Variants in NTN1 observed in about 807,000 individuals in gnomAD.
NTN1 encodes netrin 1, also known as netrin-1.
In NTN1, 11 loss-of-function variants were observed where a neutral mutation model predicts 54.2. The ratio of observed to expected loss-of-function variants is 0.20; its 90% confidence interval spans 0.13 to 0.34. NTN1 has a LOEUF of 0.34. Among genes scored for constraint, NTN1 ranks in the 10% least tolerant of loss-of-function variants. The pLI is 1.00. For synonymous variants in NTN1, 371 were observed against 382.0 expected, an observed-to-expected ratio of 0.97 and a Z score of 0.33; for missense variants, 740 against 893.1, an observed-to-expected ratio of 0.83 and a Z score of 2.18.
intron 5 of NTN1, among the ~76,000 whole-genome samples, chr17:9,186,801 C>G (rs980271029): frequency 6.6e-6 from 1 of 152,236 alleles, no homozygotes; most frequent in African/African-American, 2.4e-5. Flanking sequence ...TTATGTAGAC[C>G]TGCAGCCTGG....
intron 2 of NTN1, among the ~76,000 whole-genome samples, chr17:9,132,738 G>A (rs1222679331): frequency 6.6e-6 from 1 of 152,150 alleles, no homozygotes; most frequent in African/African-American, 2.4e-5. Context: ...GCCAGGTGCA[G>A]TGACACATGC....
In NTN1 at chr17:9,022,385, A is replaced by T. The variant is rs981622836; in HGVS notation, c.12A>T (p.Ala4=). 37 of 1,317,548 alleles carry T rather than the reference A, an allele frequency of 2.8e-5. No homozygotes were observed. The Admixed American group carries it at 1.0e-3, about 36-fold the overall frequency. 81.6% of individuals were successfully genotyped at this position (1,317,548 alleles called of 1,614,324 possible). Residue 4 remains alanine (A), a synonymous_variant, in exon 2 of 7, where the codon GCA becomes GCT. Coordinates refer to ENST00000173229, the MANE Select transcript of NTN1 (RefSeq NM_004822.3). MMR[A]VWEALAALAA... ...AAGCTGGACGCAGCATGATGCGCGCAGTGTGGGAGGCGCTGGCGGCGCTGG... is the reference window on the plus strand; with the variant it reads ...AAGCTGGACGCAGCATGATGCGCGCTGTGTGGGAGGCGCTGGCGGCGCTGG...
chr17:9,103,707 T>C (rs1310164761), intron 2 of NTN1, among the ~76,000 whole-genome samples: 1 of 152,012 alleles, frequency 6.6e-6, no homozygotes, highest in African/African-American at 2.4e-5. Context: ...TACTCAGCCT[T>C]AAAATGGTAG....
intron 2 of NTN1, among the ~76,000 whole-genome samples, chr17:9,082,148 C>G (rs2092073257): frequency 1.3e-5 from 2 of 152,174 alleles, no homozygotes; most frequent in African/African-American, 4.8e-5. Context: ...CAACCTCTGC[C>G]TCCTGGGTTC....
rs568916520 is a variant in NTN1 at position 9,032,700 on chromosome 17, C to T, written c.1018+9309C>T. Among the ~76,000 whole-genome samples the T allele has an allele frequency of 9.8e-5, 15 of 152,320 alleles. No homozygotes were observed. The South Asian group carries it at 2.7e-3, about 27-fold the overall frequency. On this transcript the variant is annotated intron_variant, in intron 2 of 6. Coordinates refer to ENST00000173229, the MANE Select transcript of NTN1 (RefSeq NM_004822.3). ...AACGTGAAAGTACCTTTGGGTTGGGCGGCCCCAGGGCAGAGCTGTTGGACA... is the reference window on the plus strand; with the variant it reads ...AACGTGAAAGTACCTTTGGGTTGGGTGGCCCCAGGGCAGAGCTGTTGGACA...
chr17:9,224,811 G>GGGGGGGGGC (rs71361878), intron 6 of NTN1, among the ~76,000 whole-genome samples: 3 of 151,368 alleles, frequency 2.0e-5, no homozygotes, highest in South Asian at 2.1e-4. Flanking sequence ...GGGTGGGGGG[G>GGGGGGGGGC]CACAGTGGGA....
At position 9,240,025 on chromosome 17, in the gene NTN1, G is replaced by C. The variant is rs1014109733; in HGVS notation, c.*57G>C. The C allele has an allele frequency of 4.2e-6, 5 of 1,200,966 alleles. No individual in the cohort carries two copies. The highest frequency in any genetic ancestry group is 7.1e-5 in the East Asian group (2 of 27,974). The allele number at this position is 1,200,966 out of a possible 1,614,324, so 74.4% of individuals were successfully genotyped here. On this transcript the variant is annotated 3_prime_UTR_variant, in exon 7 of 7. Transcript: ENST00000173229. ...CGCCAGGGCGGGGCCGAGCGAGAGC[G>C]GGCGCCTTGGCCCGGCCGCCGCGGA...
At chr17:9,223,579 C>T (rs541256658) in intron 6 of NTN1, among the ~76,000 whole-genome samples, 1 of 146,772 alleles carries the variant, frequency 6.8e-6, no homozygotes, top group Non-Finnish European at 1.5e-5. Flanking sequence ...GAAAGGAGCT[C>T]ATATGGCCCC....
rs527936421 is a variant in NTN1, at chr17:9,186,762, C to T, written c.1411+3793C>T. Among the ~76,000 whole-genome samples the T allele has an allele frequency of 2.6e-5, 4 of 152,348 alleles. No individual in the cohort carries two copies. In the South Asian group the frequency reaches 6.2e-4, roughly 24 times the overall value. ...GTCACTTCCGGTGGCCTCTCGGCAC[C>T]TCCACTTTTTCACGGAAGGAAGTTG... is the stretch of plus-strand genomic sequence containing the variant. On this transcript the variant is annotated intron_variant, in intron 5 of 6. Coordinates refer to ENST00000173229, the MANE Select transcript of NTN1 (RefSeq NM_004822.3).
intron 5 of NTN1, among the ~76,000 whole-genome samples, chr17:9,195,781 G>A (rs1450865750): frequency 2.0e-5 from 3 of 152,166 alleles, no homozygotes; most frequent in Non-Finnish European, 2.9e-5. Context: ...CCACTGAACT[G>A]GGGTGAGGAA....
chr17:9,075,339 G>T (rs2092045813), intron 2 of NTN1, among the ~76,000 whole-genome samples: 1 of 152,036 alleles, frequency 6.6e-6, no homozygotes, highest in African/African-American at 2.4e-5. Flanking sequence ...AAAATTAGCT[G>T]GGCATGGCGG....
chr17:9,026,029 A>G (rs1017009439), intron 2 of NTN1, among the ~76,000 whole-genome samples: 2 of 152,184 alleles, frequency 1.3e-5, no homozygotes, highest in East Asian at 1.9e-4. Flanking sequence ...TTTAATTCCC[A>G]TAATCAGTCT....
the NTN1 span, among the ~76,000 whole-genome samples, chr17:9,007,468 T>G: frequency 6.6e-6 from 1 of 150,774 alleles, no homozygotes; most frequent in South Asian, 2.1e-4. Context: ...TTCCTTCTCT[T>G]TCTTTCATTC....
intron 2 of NTN1, among the ~76,000 whole-genome samples, chr17:9,100,438 C>CA (rs1377192811): frequency 6.6e-5 from 10 of 152,162 alleles, no homozygotes; most frequent in Non-Finnish European, 1.2e-4. Context: ...GCTGGGACTA[C>CA]AAGCATGTGC....
At chr17:9,041,554 A>G (rs1429022651) in intron 2 of NTN1, among the ~76,000 whole-genome samples, 2 of 152,218 alleles carry the variant, frequency 1.3e-5, no homozygotes, top group Non-Finnish European at 2.9e-5. Context: ...TTATGTAAAC[A>G]TATCAAATTT....
At chr17:9,033,114 C>T (rs1210116243) in intron 2 of NTN1, among the ~76,000 whole-genome samples, 1 of 152,002 alleles carries the variant, frequency 6.6e-6, no homozygotes, top group Admixed American at 6.6e-5. Flanking sequence ...CCATCACGCC[C>T]AGCTAGTTTT....
At position 9,221,225 on chromosome 17, in the gene NTN1, A is replaced by C. The variant is rs1338831191; in HGVS notation, c.1469A>C (p.Tyr490Ser). The change falls in exon 6 of 7, where the codon TAC (tyrosine) becomes TCC (serine). Residue 490 changes from tyrosine (Y) to serine (S), a missense_variant. Coordinates refer to ENST00000173229, the MANE Select transcript of NTN1 (RefSeq NM_004822.3). The surrounding 1 kb of genome is among the most constrained non-coding windows in gnomAD (Gnocchi z 4.5). ...KGKLKINMKK[Y>S]CKKDYAVQIH... ...AAGCTGAAGATTAACATGAAAAAGT[A>C]CTGCAAGAAGGACTATGGTGAGTGA... is the stretch of plus-strand genomic sequence containing the variant. The C allele has an allele frequency of 6.2e-7, 1 of 1,612,976 alleles. No individual in the cohort carries two copies. Among genetic ancestry groups the C allele is most frequent in the Admixed American group, 1.7e-5 (1 of 59,978 alleles).
chr17:9,230,408 C>T (rs1228892222), intron 6 of NTN1, among the ~76,000 whole-genome samples: 2 of 151,456 alleles, frequency 1.3e-5, no homozygotes, highest in Non-Finnish European at 2.9e-5. Flanking sequence ...CTGGGGTCAC[C>T]GGCCCCTGGG....
At chr17:9,148,379 A>C (rs1395907383) in intron 2 of NTN1, among the ~76,000 whole-genome samples, 1 of 152,204 alleles carries the variant, frequency 6.6e-6, no homozygotes, top group East Asian at 1.9e-4. Flanking sequence ...TGTTGAGTTG[A>C]GGGGCCCTTT....
Sources: allele counts gnomAD v4.1 joint callset (sites outside exome capture counted in the v4.1 genomes callset), GRCh38; gene constraint gnomAD v4.1.1; non-coding constraint Gnocchi (gnomAD v3.1); transcripts MANE v1.5; gene names NCBI Gene and HGNC (gene_info 2026-07-23, HGNC 2026-07-21).